The following MALRD1 variants were observed in gnomAD, a reference collection of about 807,000 sequenced individuals.
MALRD1 encodes MAM and LDL-receptor class A domain-containing protein 1.
MALRD1 carries 247 observed loss-of-function variants against 242.1 expected under a neutral mutation model. That is an observed-to-expected ratio of 1.02 (90% confidence interval 0.92 to 1.13). The LOEUF is 1.13. Ranked by LOEUF, MALRD1 falls within the 50% of genes most tolerant of loss-of-function variation. The pLI is 0.00. For synonymous variants in MALRD1, 995 were observed against 866.6 expected (o/e 1.15, Z -2.60); for missense variants, 2,989 against 2,533.1 (o/e 1.18, Z -3.86).
At chr10:19,483,828 A>T (rs998674326) in intron 29 of MALRD1, among the ~76,000 whole-genome samples, 1 of 152,194 alleles carries the variant, frequency 6.6e-6, no homozygotes, top group African/African-American at 2.4e-5. Context: ...ATGAATGCAT[A>T]TGCTCTTCAT....
In MALRD1 at chr10:19,198,170, C is replaced by G. The variant is rs538878921; in HGVS notation, c.1952-5558C>G. Among the ~76,000 whole-genome samples the G allele has an allele frequency of 2.0e-5, 3 of 152,196 alleles. No homozygotes were observed. In the East Asian group the frequency reaches 5.8e-4, roughly 29 times the overall value. On this transcript the variant is annotated intron_variant, in intron 14 of 39. Transcript: ENST00000454679. ...TATTGTGAAGGATCTAAAATTTTAC[C>G]TGACTGATAAGGAAACAAGTTAGCC...
chr10:19,085,878 A>G (rs557774295), intron 2 of MALRD1, among the ~76,000 whole-genome samples: 8 of 152,146 alleles, frequency 5.3e-5, no homozygotes, highest in African/African-American at 1.9e-4. Flanking sequence ...GAATATTTAT[A>G]AACAATAATT....
chr10:19,649,431 G>A (rs970001221), intron 36 of MALRD1, among the ~76,000 whole-genome samples: 7 of 152,066 alleles, frequency 4.6e-5, no homozygotes, highest in African/African-American at 1.7e-4. Context: ...ATAACCATTT[G>A]GACAGGTGTG....
At chr10:19,274,623 C>G (rs1381268525) in intron 19 of MALRD1, among the ~76,000 whole-genome samples, 3 of 152,148 alleles carry the variant, frequency 2.0e-5, no homozygotes, top group Non-Finnish European at 4.4e-5. Context: ...AAATAAATGG[C>G]TGTTTAAGAC....
chr10:19,704,412 G>C (rs965472486), intron 38 of MALRD1, among the ~76,000 whole-genome samples: 1 of 152,154 alleles, frequency 6.6e-6, no homozygotes, highest in African/African-American at 2.4e-5. Flanking sequence ...GGCAAAGAGA[G>C]AAAGATCTGG....
At chr10:19,242,360 A>G (rs767818706) in intron 18 of MALRD1, among the ~76,000 whole-genome samples, 5 of 152,138 alleles carry the variant, frequency 3.3e-5, no homozygotes, top group Admixed American at 6.6e-5. Context: ...TATGGGAGCT[A>G]TAATCAAGAT....
chr10:19,584,588 G>T (rs1227749996), intron 33 of MALRD1, among the ~76,000 whole-genome samples: 2 of 152,140 alleles, frequency 1.3e-5, no homozygotes, highest in African/African-American at 4.8e-5. Flanking sequence ...TGGTCTGAGA[G>T]ATAGTTTGTT....
intron 14 of MALRD1, among the ~76,000 whole-genome samples, chr10:19,179,668 T>A (rs1215102082): frequency 6.6e-6 from 1 of 151,960 alleles, no homozygotes; most frequent in Non-Finnish European, 1.5e-5. Context: ...TATCACAATA[T>A]ATGTATTATA....
At chr10:19,074,954 T>G (rs1835271462) in intron 2 of MALRD1, among the ~76,000 whole-genome samples, 1 of 151,998 alleles carries the variant, frequency 6.6e-6, no homozygotes, top group African/African-American at 2.4e-5. Flanking sequence ...CCATGATCAT[T>G]TGACTGAGAT....
intron 28 of MALRD1, among the ~76,000 whole-genome samples, chr10:19,436,901 C>G (rs966889980): frequency 6.6e-6 from 1 of 152,102 alleles, no homozygotes; most frequent in Non-Finnish European, 1.5e-5. Context: ...AAAGAAATCC[C>G]CTGTTGCTCA....
chr10:19,336,764 T>A (rs923495848), intron 24 of MALRD1, among the ~76,000 whole-genome samples: 12 of 152,170 alleles, frequency 7.9e-5, no homozygotes, highest in African/African-American at 2.9e-4. Context: ...CCTTAAAAAA[T>A]TATATTAGAA....
chr10:19,096,891 C>T (rs1836057453), intron 4 of MALRD1, among the ~76,000 whole-genome samples: 1 of 152,196 alleles, frequency 6.6e-6, no homozygotes, highest in Non-Finnish European at 1.5e-5. Flanking sequence ...TGACTCTCAC[C>T]TGGGGGCTTT....
At chr10:19,386,215 T>C (rs1435431279) in intron 26 of MALRD1, among the ~76,000 whole-genome samples, 2 of 152,084 alleles carry the variant, frequency 1.3e-5, no homozygotes, top group Non-Finnish European at 2.9e-5. Context: ...CTATATGAGG[T>C]TGTATCACCA....
At chr10:19,588,094 A>G (rs1837538541) in intron 33 of MALRD1, among the ~76,000 whole-genome samples, 1 of 152,116 alleles carries the variant, frequency 6.6e-6, no homozygotes. Flanking sequence ...ATGCATATGA[A>G]ATGAATGACA....
intron 29 of MALRD1, among the ~76,000 whole-genome samples, chr10:19,479,273 A>G (rs1276201435): frequency 1.3e-5 from 2 of 152,190 alleles, no homozygotes; most frequent in Middle Eastern, 3.2e-3. Flanking sequence ...GCATTTCAAT[A>G]TCGTGTGCTA....
At chr10:19,098,578 A>G (rs541610112) in intron 4 of MALRD1, among the ~76,000 whole-genome samples, 2 of 152,244 alleles carry the variant, frequency 1.3e-5, no homozygotes, top group South Asian at 2.1e-4. Flanking sequence ...TTGTGTCTCA[A>G]ATGTTTGCTT....
chr10:19,123,381 G>A, intron 5 of MALRD1, 111 bp from the exon 6 acceptor site: 1 of 464,084 alleles, frequency 2.2e-6, no homozygotes, highest in Non-Finnish European at 3.5e-6. Context: ...ACCATAAAGA[G>A]AAATTGGTTA....
intron 26 of MALRD1, among the ~76,000 whole-genome samples, chr10:19,359,387 CACAAGTTCCATTCCAAAT>C (rs1482247308): frequency 1.3e-5 from 2 of 152,044 alleles, no homozygotes; most frequent in Admixed American, 6.6e-5. Context: ...CAAGAAAAAT[CACAAGTTCCATTCCAAAT>C]ACAAGTTCCA....
At position 19,369,808 on chromosome 10, in the gene MALRD1, A is replaced by G. The variant is rs146589232; in HGVS notation, c.4441+17511A>G. On this transcript the variant is annotated intron_variant, in intron 26 of 39. Transcript: ENST00000454679. ...TATAGATATTTTTTATATACTCTAG[A>G]TGCCAGTATCATTATATATATTACT... 4.6e-5 allele frequency among the ~76,000 whole-genome samples: 7 copies of G among 151,950 alleles called. No homozygotes were observed. In the East Asian group the frequency reaches 1.4e-3, roughly 29 times the overall value.
Sources: gnomAD v4.1 joint callset for allele counts (sites outside exome capture counted in the v4.1 genomes callset) on GRCh38, gnomAD v4.1.1 for gene constraint, MANE v1.5 for transcripts, NCBI Gene and HGNC (gene_info 2026-07-23, HGNC 2026-07-21) for gene names.